The following MED13L variants were observed in gnomAD, a reference collection of about 807,000 sequenced individuals.
MED13L encodes the protein mediator of RNA polymerase II transcription subunit 13-like.
MED13L carries 7 observed loss-of-function variants against 220.9 expected under a neutral mutation model. The ratio of observed to expected loss-of-function variants is 0.03; its 90% CI spans 0.02 to 0.06. The LOEUF (loss-of-function observed/expected upper bound fraction) is 0.06. Ranked by LOEUF, MED13L falls within the 10% of genes least tolerant of loss-of-function variation. The pLI is 1.00. For synonymous variants in MED13L, 1,011 were observed against 1,015.2 expected (o/e 1.00, Z 0.08); for missense variants, 1,965 against 2,760.5 (o/e 0.71, Z 6.46).
intron 4 of MED13L, among the ~76,000 whole-genome samples, chr12:116,033,078 GTTTT>G (rs931942157): frequency 4.1e-5 from 6 of 147,984 alleles, no homozygotes; most frequent in African/African-American, 1.5e-4. Context: ...GTTTGATTGG[GTTTT>G]GTTTTTTTAA....
intron 26 of MED13L, among the ~76,000 whole-genome samples, chr12:115,971,442 A>G (rs79056150): frequency 6.6e-6 from 1 of 152,236 alleles, no homozygotes; most frequent in Non-Finnish European, 1.5e-5. Flanking sequence ...AAGGTCCCCC[A>G]TTTGATTCAA....
At chr12:115,986,932 T>C (rs1160622809) in intron 18 of MED13L, among the ~76,000 whole-genome samples, 177 bp downstream of exon 18, 2 of 152,044 alleles carry the variant, frequency 1.3e-5, no homozygotes, top group African/African-American at 4.8e-5. Context: ...CCAAGGGTGG[T>C]AGGAAACTTG....
intron 2 of MED13L, among the ~76,000 whole-genome samples, chr12:116,227,371 A>T (rs570759797): frequency 3.9e-5 from 6 of 152,300 alleles, no homozygotes; most frequent in African/African-American, 1.4e-4. Flanking sequence ...ATTGCATTTC[A>T]CATTGTTTCG....
At chr12:116,111,370 G>A (rs746876141) in intron 3 of MED13L, 58 bp downstream of exon 3, 65 of 1,343,346 alleles carry the variant, frequency 4.8e-5, no homozygotes, top group Admixed American at 1.0e-4. Flanking sequence ...GGAAACTCTC[G>A]GTATCTAGCA....
intron 30 of MED13L, chr12:115,961,606 G>A: frequency 1.5e-6 from 1 of 678,442 alleles, no homozygotes; most frequent in Non-Finnish European, 2.5e-6. Flanking sequence ...GCCACACATG[G>A]CCATTGAGCT....
chr12:116,039,974 C>T (rs141494923), intron 4 of MED13L, among the ~76,000 whole-genome samples: 87 of 152,254 alleles, frequency 5.7e-4, no homozygotes, highest in African/African-American at 3.1e-4. Context: ...AGACTGCAGA[C>T]GCACAGAAAG....
intron 2 of MED13L, among the ~76,000 whole-genome samples, chr12:116,157,676 G>A (rs1190361285): frequency 1.3e-5 from 2 of 152,208 alleles, no homozygotes; most frequent in African/African-American, 4.8e-5. Flanking sequence ...TTCTCACAAA[G>A]GTGAATACAC....
At chr12:116,120,440 TTCTCTC>T (rs67306353) in intron 2 of MED13L, among the ~76,000 whole-genome samples, 1,759 of 98,110 alleles carry the variant, frequency 0.018, 11 homozygotes, top group African/African-American at 0.039. Flanking sequence ...TAATCTCTCT[TTCTCTC>T]TCTCTCTCTC....
chr12:116,003,271 T>A (rs1376588947), intron 13 of MED13L, among the ~76,000 whole-genome samples, 169 bp from the exon 14 acceptor site: 1 of 152,202 alleles, frequency 6.6e-6, no homozygotes, highest in East Asian at 1.9e-4. Flanking sequence ...GGTTACAAGC[T>A]TATCAAGTGT....
At chr12:116,016,809 C>G (rs900856529) in intron 7 of MED13L, among the ~76,000 whole-genome samples, 4 of 152,198 alleles carry the variant, frequency 2.6e-5, no homozygotes, top group Admixed American at 2.6e-4. Flanking sequence ...CTCTACATAT[C>G]AAACAAAGAG....
chr12:116,271,312 GTTA>G (rs1182058343), intron 1 of MED13L, among the ~76,000 whole-genome samples: 1 of 151,756 alleles, frequency 6.6e-6, no homozygotes, highest in Non-Finnish European at 1.5e-5. Context: ...AAATAGAAAT[GTTA>G]TTATGACAGG....
chr12:116,039,145 TA>T (rs1395891839), intron 4 of MED13L, among the ~76,000 whole-genome samples: 3 of 152,254 alleles, frequency 2.0e-5, no homozygotes, highest in Non-Finnish European at 2.9e-5. Flanking sequence ...GTTATATTTT[TA>T]AAGGCACTGC....
chr12:116,209,735 T>C (rs1323885309), intron 2 of MED13L, among the ~76,000 whole-genome samples: 2 of 152,204 alleles, frequency 1.3e-5, no homozygotes, highest in Non-Finnish European at 1.5e-5. Flanking sequence ...TCAGAAATAC[T>C]TGGAAGTCCC....
intron 2 of MED13L, among the ~76,000 whole-genome samples, chr12:116,182,399 A>G (rs566190772): frequency 6.6e-6 from 1 of 152,308 alleles, no homozygotes; most frequent in Non-Finnish European, 1.5e-5. Flanking sequence ...TTTGGTCTCA[A>G]CTGATGACCT....
intron 7 of MED13L, among the ~76,000 whole-genome samples, chr12:116,018,446 CTTTA>C (rs1329133375): frequency 6.6e-6 from 1 of 152,130 alleles, no homozygotes; most frequent in Non-Finnish European, 1.5e-5. Flanking sequence ...GCAGCCAAGG[CTTTA>C]TTTACTCTAA....
intron 1 of MED13L, among the ~76,000 whole-genome samples, chr12:116,249,208 A>C (rs995005728): frequency 6.6e-6 from 1 of 152,244 alleles, no homozygotes; most frequent in Non-Finnish European, 1.5e-5. Context: ...AAACACTGTT[A>C]AACACCTTGG....
chr12:116,052,249 G>A (rs1180287648), intron 4 of MED13L, among the ~76,000 whole-genome samples: 1 of 152,158 alleles, frequency 6.6e-6, no homozygotes, highest in African/African-American at 2.4e-5. Context: ...TTAGCTCAAA[G>A]ACATGACCTT....
Position 116,185,396 on chromosome 12 carries a change from A to T in MED13L, c.310+52072T>A, listed in dbSNP as rs541154749. 5.9e-5 allele frequency among the ~76,000 whole-genome samples: 9 copies of T among 151,944 alleles called. 4 individuals carry two copies. Among genetic ancestry groups the T allele is most frequent in the African/African-American group, 2.2e-4 (9 of 41,422 alleles). On this transcript the variant is annotated intron_variant, in intron 2 of 30. Transcript: ENST00000281928. ...TTCAGAGGAGAGAGGACACGAATTC[A>T]TTCTTGAAGTATAATTTCCAACACA...
intron 2 of MED13L, among the ~76,000 whole-genome samples, chr12:116,203,431 T>G (rs780630253): frequency 1.3e-5 from 2 of 150,592 alleles, no homozygotes. Context: ...TTTTTTGAAA[T>G]AAACATAAAA....
Sources: allele counts gnomAD v4.1 joint callset (sites outside exome capture counted in the v4.1 genomes callset), GRCh38; gene constraint gnomAD v4.1.1; transcripts MANE v1.5; gene names NCBI Gene and HGNC (gene_info 2026-07-23, HGNC 2026-07-21).